The following CHRNA2 variants were observed in gnomAD, a reference collection of about 807,000 sequenced individuals.
CHRNA2 encodes the protein cholinergic receptor nicotinic alpha 2 subunit.
CHRNA2 carries 40 observed loss-of-function variants against 45.5 expected under a neutral mutation model. That is an observed-to-expected ratio of 0.88 (90% CI 0.68 to 1.15). The LOEUF (loss-of-function observed/expected upper bound fraction) is 1.15, where lower values mean the gene tolerates loss of function less well. CHRNA2 is among the 50% of genes most tolerant of loss of function. The pLI is 0.00. For synonymous variants in CHRNA2, 301 were observed against 296.7 expected, an observed-to-expected ratio of 1.01 and a Z score of -0.15; for missense variants, 655 against 701.7, an observed-to-expected ratio of 0.93 and a Z score of 0.75.
chr8:27,472,409 T>C (rs1003114800), intron 1 of CHRNA2, among the ~76,000 whole-genome samples: 1 of 152,124 alleles, frequency 6.6e-6, no homozygotes, highest in African/African-American at 2.4e-5. Flanking sequence ...GTGTCTGAAT[T>C]GAATTAGAAG....
At chr8:27,467,099 G>A in intron 5 of CHRNA2, 130 bp downstream of exon 5, 1 of 709,916 alleles carries the variant, frequency 1.4e-6, no homozygotes, top group Non-Finnish European at 2.6e-6. Flanking sequence ...AGGTAGGGGA[G>A]GCATGCTCAG....
At chr8:27,474,770 A>G (rs1813010723) in intron 1 of CHRNA2, among the ~76,000 whole-genome samples, 1 of 152,238 alleles carries the variant, frequency 6.6e-6, no homozygotes, top group South Asian at 2.1e-4. Flanking sequence ...GTAAACTCAC[A>G]TCGCCCTGCA....
In CHRNA2 at chr8:27,463,139, G is replaced by T. The variant is rs1372280583; in HGVS notation, c.1304C>A (p.Thr435Asn). ...CAGHVAPSVG[T>N]LCSHGHLHSG... ...GTGCAGGTGGCCGTGGCTGCAGAGGGTGCCCACAGAGGGGGCCACATGACC... is the reference window on the plus strand; with the variant it reads ...GTGCAGGTGGCCGTGGCTGCAGAGGTTGCCCACAGAGGGGGCCACATGACC... Residue 435 changes from threonine to asparagine, a missense_variant, in exon 6 of 7, where the codon ACC becomes AAC. By Grantham distance (65) the Thr-to-Asn change is moderately conservative. Coordinates refer to ENST00000407991, the MANE Select transcript of CHRNA2 (RefSeq NM_000742.4). The surrounding 1 kb of genome is among the most constrained non-coding windows in gnomAD (Gnocchi z 6.1). The T allele has an allele frequency of 4.4e-6, 7 of 1,604,982 alleles. No individual in the cohort carries two copies. The highest frequency in any genetic ancestry group is 1.7e-5 in the Admixed American group (1 of 59,844).
chr8:27,471,394 G>A (rs1373243294), intron 1 of CHRNA2, among the ~76,000 whole-genome samples, 200 bp from the exon 2 acceptor site: 1 of 152,198 alleles, frequency 6.6e-6, no homozygotes, highest in African/African-American at 2.4e-5. Context: ...CAGCGACTCT[G>A]CCCTAAGACC....
rs78561863 is a variant in CHRNA2 at position 27,463,204 on chromosome 8, C to T, written c.1239G>A (p.Arg413=). The T allele has an allele frequency of 6.3e-7, 1 of 1,589,430 alleles. No individual in the cohort carries two copies. Among genetic ancestry groups the T allele is most frequent in the Non-Finnish European group, 8.6e-7 (1 of 1,164,578 alleles). The change falls in exon 6 of 7, where the codon AGG becomes AGA. Residue 413 remains arginine (R), a synonymous_variant. Transcript: ENST00000407991. This position sits in a 1 kb window ranked among gnomAD's most constrained non-coding sequence, Gnocchi z 6.1. The part of the protein sequence containing the change: ...WLESNVDAEE[R]EVVVEEEDRW... ...TGTCCTCCTCCTCCACCACCACCTC[C>T]CTCTCCTCGGCATCCACGTTGCTCT...
In CHRNA2 at chr8:27,461,487, G is replaced by A. The variant is rs1296114037; in HGVS notation, c.*142C>T. 1.7e-6 allele frequency: 2 copies of A among 1,161,724 alleles called. No homozygotes were observed. The highest frequency in any genetic ancestry group is 3.0e-5 in the African/African-American group (2 of 66,280). 72.0% of individuals were successfully genotyped at this position (1,161,724 alleles called of 1,614,324 possible). A position where few individuals can be genotyped will look rare whatever the true frequency, so the allele number is the denominator to read the frequency against. ...TACAATAACGTTAAGCTGGATGGAA[G>A]CCTGCAATCCCTGGGTCAGTGTCCA... On this transcript the variant is annotated 3_prime_UTR_variant, in exon 7 of 7. Coordinates refer to ENST00000407991, the MANE Select transcript of CHRNA2 (RefSeq NM_000742.4).
In CHRNA2 at chr8:27,461,757, G is replaced by T; in HGVS notation, c.1465-3C>A. ...ACATACTTCCAGTCCTCCTTCACCT[G>T]TGGGGAAGACAGCACACAGTGACAG... On this transcript the variant is annotated splice_polypyrimidine_tract_variant and splice_region_variant and intron_variant, in intron 6 of 6. Coordinates refer to ENST00000407991, the MANE Select transcript of CHRNA2 (RefSeq NM_000742.4). The T allele has an allele frequency of 1.2e-6, 2 of 1,614,078 alleles. No homozygotes were observed. Among genetic ancestry groups the T allele is most frequent in the Non-Finnish European group, 1.7e-6 (2 of 1,179,934 alleles).
chr8:27,462,764 C>T (rs1056449212), intron 6 of CHRNA2, among the ~76,000 whole-genome samples: 1 of 152,202 alleles, frequency 6.6e-6, no homozygotes, highest in African/African-American at 2.4e-5. Context: ...TGCCTGACTC[C>T]GTGGTGTGTA....
At chr8:27,467,034 A>T (rs557916842) in intron 5 of CHRNA2, among the ~76,000 whole-genome samples, 195 bp downstream of exon 5, 1 of 152,354 alleles carries the variant, frequency 6.6e-6, no homozygotes, top group South Asian at 2.1e-4. Context: ...CTCAGCTGCC[A>T]TTCATTTTGG....
intron 1 of CHRNA2, among the ~76,000 whole-genome samples, chr8:27,472,326 G>T (rs1359515430): frequency 6.6e-6 from 1 of 152,198 alleles, no homozygotes; most frequent in Non-Finnish European, 1.5e-5. Context: ...CTTGTGATCG[G>T]CATTGACATT....
intron 1 of CHRNA2, among the ~76,000 whole-genome samples, chr8:27,476,568 A>C (rs2132682928): frequency 6.6e-6 from 1 of 152,310 alleles, no homozygotes; most frequent in African/African-American, 2.4e-5. Flanking sequence ...CAATCATTCA[A>C]ACACCTGACA....
chr8:27,470,882 C>A (rs1812858563), intron 2 of CHRNA2, 104 bp downstream of exon 2: 4 of 1,221,862 alleles, frequency 3.3e-6, no homozygotes, highest in Admixed American at 1.9e-5. Context: ...AAGTCCCCTG[C>A]AGCTTTGACG....
At chr8:27,466,157 G>GT (rs909762224) in intron 5 of CHRNA2, among the ~76,000 whole-genome samples, 64 of 152,200 alleles carry the variant, frequency 4.2e-4, no homozygotes, top group African/African-American at 1.4e-3. Context: ...AGCGGCCAGT[G>GT]TAAGAACCCA....
intron 1 of CHRNA2, among the ~76,000 whole-genome samples, chr8:27,477,513 A>G (rs934741848): frequency 6.6e-6 from 1 of 152,162 alleles, no homozygotes; most frequent in African/African-American, 2.4e-5. Flanking sequence ...CCCCAGAAGA[A>G]TGTGCAAATA....
intron 1 of CHRNA2, among the ~76,000 whole-genome samples, chr8:27,477,010 A>AT (rs1813081369): frequency 6.6e-6 from 1 of 152,068 alleles, no homozygotes. Context: ...AAAAAAAAAA[A>AT]CTGATGTTCA....
intron 6 of CHRNA2, among the ~76,000 whole-genome samples, chr8:27,462,495 G>T (rs1812526746): frequency 1.3e-5 from 2 of 152,178 alleles, no homozygotes; most frequent in Admixed American, 1.3e-4. Flanking sequence ...GAATCTGCAG[G>T]GTTTATGGTT....
Position 27,463,361 on chromosome 8 carries a change from G to T in CHRNA2, c.1082C>A (p.Thr361Asn). 1 of 1,614,070 alleles carries T rather than the reference G, an allele frequency of 6.2e-7. No individual in the cohort carries two copies. Among genetic ancestry groups the T allele is most frequent in the Non-Finnish European group, 8.5e-7 (1 of 1,180,036 alleles). ...GGCCCCCCGCACCCAGTGGGGCATG[G>T]TGTGGGTGCTGGGGGAGCGGTGGTG... ...NVHHRSPSTHTMPHWVRGALL... is the reference protein window; with the variant it reads ...NVHHRSPSTHNMPHWVRGALL... Residue 361 changes from threonine to asparagine, a missense_variant, in exon 6 of 7, where the codon ACC (threonine) becomes AAC (asparagine). Physicochemically the swap from Thr to Asn is moderately conservative, Grantham distance 65. Coordinates refer to ENST00000407991, the MANE Select transcript of CHRNA2 (RefSeq NM_000742.4). The surrounding 1 kb of genome is among the most constrained non-coding windows in gnomAD (Gnocchi z 6.1).
rs1032752447 is a variant in CHRNA2 at position 27,460,861 on chromosome 8, AG to A, written c.*767del. Reference sequence around the variant, plus strand: ...GTGCAGAGCCATTTTGCAGCAAGGAAGGAGAGGAATGACGTCAAGGAGAAGC... The same window carrying A: ...GTGCAGAGCCATTTTGCAGCAAGGAAGAGAGGAATGACGTCAAGGAGAAGC... On this transcript the variant is annotated 3_prime_UTR_variant, in exon 7 of 7. Transcript: ENST00000407991. 1 of 152,292 alleles carries A rather than the reference AG, an allele frequency of 6.6e-6. No homozygotes were observed. The highest frequency in any genetic ancestry group is 2.4e-5 in the African/African-American group (1 of 41,428). The allele number at this position is 152,292 out of a possible 1,614,324, so 9.4% of individuals were successfully genotyped here.
intron 1 of CHRNA2, among the ~76,000 whole-genome samples, chr8:27,473,159 G>T (rs1022002554): frequency 2.0e-5 from 3 of 151,934 alleles, no homozygotes; most frequent in African/African-American, 4.8e-5. Flanking sequence ...CCCCCTTATG[G>T]AGAGAAGAGC....
Sources: allele counts gnomAD v4.1 joint callset (sites outside exome capture counted in the v4.1 genomes callset), GRCh38; gene constraint gnomAD v4.1.1; non-coding constraint Gnocchi (gnomAD v3.1); transcripts MANE v1.5; gene names NCBI Gene and HGNC (gene_info 2026-07-23, HGNC 2026-07-21).